GPBP1: variants seen among roughly 807,000 people sequenced by gnomAD.
The protein encoded by GPBP1 is vasculin.
In GPBP1, 13 loss-of-function variants were observed where a neutral mutation model predicts 56.5. That is an observed-to-expected ratio of 0.23 (90% CI 0.15 to 0.37). GPBP1 has a LOEUF of 0.37. Among genes scored for constraint, GPBP1 ranks in the 10% least tolerant of loss-of-function variants. The pLI is 1.00. For synonymous variants in GPBP1, 204 were observed against 188.9 expected (o/e 1.08, Z -0.66); for missense variants, 477 against 572.3 (o/e 0.83, Z 1.70).
intron 2 of GPBP1, among the ~76,000 whole-genome samples, chr5:57,195,677 G>A (rs1286789891): frequency 6.6e-6 from 1 of 152,032 alleles, no homozygotes; most frequent in East Asian, 1.9e-4. Context: ...TAAGCCCGAA[G>A]GTTTTTTATT....
At chr5:57,198,719 C>T (rs1317605483) in intron 2 of GPBP1, among the ~76,000 whole-genome samples, 4 of 151,976 alleles carry the variant, frequency 2.6e-5, no homozygotes, top group East Asian at 1.9e-4. Flanking sequence ...CATGGTGGCG[C>T]GTGCCTGTAA....
At chr5:57,228,564 CAGG>C (rs1222772084) in intron 3 of GPBP1, among the ~76,000 whole-genome samples, 5 of 103,460 alleles carry the variant, frequency 4.8e-5, no homozygotes, top group African/African-American at 1.5e-4. Context: ...CACTTGAGGC[CAGG>C]AGTTCAAGTC....
intron 2 of GPBP1, among the ~76,000 whole-genome samples, chr5:57,176,648 A>G: frequency 6.6e-6 from 1 of 152,328 alleles, no homozygotes; most frequent in South Asian, 2.1e-4. Context: ...TGCGCTTTTT[A>G]AGTAAAAAGC....
chr5:57,199,739 C>G (rs1414227559), intron 2 of GPBP1, among the ~76,000 whole-genome samples: 1 of 152,062 alleles, frequency 6.6e-6, no homozygotes, highest in East Asian at 1.9e-4. Context: ...GTAATCGTCA[C>G]TTTAAAACTT....
intron 2 of GPBP1, among the ~76,000 whole-genome samples, chr5:57,206,182 G>T (rs542039789): frequency 6.6e-6 from 1 of 152,104 alleles, no homozygotes; most frequent in East Asian, 1.9e-4. Flanking sequence ...TCTGTCAGTT[G>T]TCTTTTTACT....
chr5:57,216,719 T>C (rs1755714065), intron 3 of GPBP1, among the ~76,000 whole-genome samples: 1 of 152,126 alleles, frequency 6.6e-6, no homozygotes, highest in Non-Finnish European at 1.5e-5. Flanking sequence ...ACTAAAAGTC[T>C]GAAAATTATT....
intron 2 of GPBP1, among the ~76,000 whole-genome samples, chr5:57,185,874 C>T (rs906923997): frequency 2.6e-5 from 4 of 151,144 alleles, no homozygotes; most frequent in East Asian, 3.9e-4. Flanking sequence ...GTGGCGTGCC[C>T]CCTGCAGTCC....
At chr5:57,207,464 G>T (rs1755279560) in intron 2 of GPBP1, among the ~76,000 whole-genome samples, 3 of 152,160 alleles carry the variant, frequency 2.0e-5, no homozygotes, top group African/African-American at 7.2e-5. Flanking sequence ...AGGGCAGGCT[G>T]TGGGACTCCG....
chr5:57,178,190 T>G (rs1753880549), intron 2 of GPBP1, among the ~76,000 whole-genome samples: 1 of 152,220 alleles, frequency 6.6e-6, no homozygotes, highest in African/African-American at 2.4e-5. Context: ...AAGATTAAGT[T>G]GAACTGGAGT....
At position 57,254,163 on chromosome 5, in the gene GPBP1, C is replaced by T. The variant is rs1044274439; in HGVS notation, c.1160+3022C>T. 4.6e-3 allele frequency among the ~76,000 whole-genome samples: 703 copies of T among 152,058 alleles called. 8 individuals carry two copies. Among genetic ancestry groups the T allele is most frequent in the African/African-American group, 0.016 (659 of 41,494 alleles). On this transcript the variant is annotated intron_variant, in intron 10 of 11. Transcript: ENST00000506184. ...CTGGTCTCAAACTCTTGGGCTCAAG[C>T]GATCCTCCTGCCTTGGCCTCCCAGA... is the stretch of plus-strand genomic sequence containing the variant.
At chr5:57,230,053 C>G (rs896337030) in intron 3 of GPBP1, among the ~76,000 whole-genome samples, 13 of 151,722 alleles carry the variant, frequency 8.6e-5, no homozygotes, top group African/African-American at 2.9e-4. Context: ...GCCTCAGCCT[C>G]CCGAGTAGCT....
rs535291986 is a variant in GPBP1 at position 57,226,507 on chromosome 5, T to C, written c.64-4339T>C. Among the ~76,000 whole-genome samples the C allele has an allele frequency of 2.7e-4, 41 of 151,298 alleles. No individual in the cohort carries two copies. The South Asian group carries it at 6.9e-3, about 25-fold the overall frequency. On this transcript the variant is annotated intron_variant, in intron 3 of 11. Transcript: ENST00000506184. ...GCCAAGAATGTATAGGGCTGATGGG[T>C]AGATCATTGAGAGAGGCAATTCATC...
At chr5:57,223,402 C>T (rs1475687683) in intron 3 of GPBP1, among the ~76,000 whole-genome samples, 3 of 152,018 alleles carry the variant, frequency 2.0e-5, no homozygotes, top group Admixed American at 6.6e-5. Flanking sequence ...TAACTGTTTT[C>T]TTTATACTCT....
chr5:57,248,247 A>T (rs1203445377), intron 8 of GPBP1, among the ~76,000 whole-genome samples: 1 of 152,028 alleles, frequency 6.6e-6, no homozygotes, highest in Non-Finnish European at 1.5e-5. Flanking sequence ...TTGTTACTGT[A>T]CTGACTGTGA....
chr5:57,249,460 C>T lies in GPBP1; in HGVS notation c.856C>T (p.Arg286Cys). 7 of 1,611,132 alleles carry T rather than the reference C, an allele frequency of 4.3e-6. No individual in the cohort carries two copies. The highest frequency in any genetic ancestry group is 1.1e-5 in the South Asian group (1 of 90,584). ...TGTTGACAAACTTAATCAGCAGCCTCGTCTAACCAAACTGACACGAATGCG... is the reference window on the plus strand; with the variant it reads ...TGTTGACAAACTTAATCAGCAGCCTTGTCTAACCAAACTGACACGAATGCG... ...SPVDKLNQQP[R>C]LTKLTRMRTD... The change falls in exon 9 of 12, where the codon CGT becomes TGT. Residue 286 changes from arginine to cysteine, a missense_variant. By Grantham distance (180) the Arg-to-Cys change is radical. This residue lies in a region of GPBP1 where 414 missense variants were observed against 458.2 expected (regional missense o/e 0.90). Transcript: ENST00000506184.
rs758153201 is a variant in GPBP1 at position 57,246,449 on chromosome 5, G to A, written c.628G>A (p.Gly210Ser). Residue 210 changes from glycine (G) to serine (S), a missense_variant, in exon 7 of 12, where the codon GGT (glycine) becomes AGT (serine). Physicochemically the swap from Gly to Ser is moderately conservative, Grantham distance 56 (BLOSUM62 0). This residue lies in a region of GPBP1 where 414 missense variants were observed against 458.2 expected (regional missense o/e 0.90). Coordinates refer to ENST00000506184, the MANE Select transcript of GPBP1 (RefSeq NM_022913.4). ...KNGTGPSVYKGLVPKPAAPPT... is the reference protein window; with the variant it reads ...KNGTGPSVYKSLVPKPAAPPT... Reference sequence around the variant, plus strand: ...TGGAACTGGTCCAAGTGTTTATAAAGGTTTAGTCCCTAAACCTGCTGCTCC... The same window carrying A: ...TGGAACTGGTCCAAGTGTTTATAAAAGTTTAGTCCCTAAACCTGCTGCTCC... 2.5e-6 allele frequency: 4 copies of A among 1,610,960 alleles called. No individual in the cohort carries two copies. In the South Asian group the frequency reaches 4.4e-5, roughly 18 times the overall value.
At chr5:57,255,972 T>C (rs1214521724) in intron 10 of GPBP1, among the ~76,000 whole-genome samples, 1 of 151,954 alleles carries the variant, frequency 6.6e-6, no homozygotes, top group East Asian at 1.9e-4. Flanking sequence ...GATGAAAACA[T>C]CCGGCTGGGG....
chr5:57,232,843 G>A (rs1416844024), intron 5 of GPBP1, among the ~76,000 whole-genome samples: 1 of 152,128 alleles, frequency 6.6e-6, no homozygotes, highest in Non-Finnish European at 1.5e-5. Flanking sequence ...TTTATTTACG[G>A]CACCAAAGAA....
chr5:57,198,320 T>C (rs1229973302), intron 2 of GPBP1, among the ~76,000 whole-genome samples: 1 of 152,224 alleles, frequency 6.6e-6, no homozygotes, highest in Non-Finnish European at 1.5e-5. Flanking sequence ...ATGAAGTGGC[T>C]CATGGCCTTT....
Sources: gnomAD v4.1 joint callset for allele counts (sites outside exome capture counted in the v4.1 genomes callset) on GRCh38, gnomAD v4.1.1 for gene constraint, gnomAD v4.1.1 regional missense constraint, MANE v1.5 for transcripts, NCBI Gene and HGNC (gene_info 2026-07-23, HGNC 2026-07-21) for gene names.